Variants in NAA15 observed in about 807,000 individuals in gnomAD.
The protein encoded by NAA15 is N-terminal acetyltransferase.
NAA15 carries 34 observed loss-of-function variants against 114.0 expected under a neutral mutation model. That is an observed-to-expected ratio of 0.30 (90% confidence interval 0.23 to 0.40). The LOEUF is 0.40. NAA15 is among the 10% of genes least tolerant of loss of function. The pLI is 1.00. For missense variants in NAA15, 658 were observed against 1,004.5 expected, an observed-to-expected ratio of 0.66 and a Z score of 4.66; for synonymous variants, 340 against 338.0, an observed-to-expected ratio of 1.01 and a Z score of -0.06.
chr4:139,371,533 A>ACG (rs1250585195), intron 15 of NAA15, among the ~76,000 whole-genome samples: 1 of 149,054 alleles, frequency 6.7e-6, no homozygotes, highest in Non-Finnish European at 1.5e-5. Flanking sequence ...ACACACACAC[A>ACG]CACACACACG....
At chr4:139,340,444 A>G (rs948039645) in intron 3 of NAA15, among the ~76,000 whole-genome samples, 1 of 152,354 alleles carries the variant, frequency 6.6e-6, no homozygotes, top group South Asian at 2.1e-4. Context: ...TGTTAGTTCA[A>G]GAAAATAAAA....
At chr4:139,366,603 G>GT (rs56010406) in intron 14 of NAA15, among the ~76,000 whole-genome samples, 20,357 of 143,996 alleles carry the variant, frequency 0.14, 1,619 homozygotes, top group Non-Finnish European at 0.19. Context: ...TCATTTTTGG[G>GT]TTTTTTTTTT....
chr4:139,360,001 C>A, intron 12 of NAA15, 106 bp downstream of exon 12: 1 of 1,002,432 alleles, frequency 1.0e-6, no homozygotes, highest in Non-Finnish European at 1.4e-6. Context: ...TTTTTGACAC[C>A]GTAATAGCCA....
chr4:139,384,312 A>G (rs1748831641), intron 17 of NAA15, among the ~76,000 whole-genome samples: 1 of 152,136 alleles, frequency 6.6e-6, no homozygotes, highest in Non-Finnish European at 1.5e-5. Flanking sequence ...CCCTGTCTCT[A>G]CAAAAAAATA....
chr4:139,357,383 A>G lies in NAA15; in HGVS notation c.1088-3A>G. On this transcript the variant is annotated splice_polypyrimidine_tract_variant and splice_region_variant and intron_variant, in intron 10 of 19. Transcript: ENST00000296543. The stretch of plus-strand genomic sequence containing the variant: ...CTTGGTTTCTTCTCCCTCTTCTCCT[A>G]AGATGATGGAAAGGAGGAACCACCA... 1 of 1,613,470 alleles carries G rather than the reference A, an allele frequency of 6.2e-7. No homozygotes were observed. Among genetic ancestry groups the G allele is most frequent in the Non-Finnish European group, 8.5e-7 (1 of 1,179,662 alleles).
At chr4:139,362,387 C>CCG (rs1320048664) in intron 14 of NAA15, among the ~76,000 whole-genome samples, 1 of 152,148 alleles carries the variant, frequency 6.6e-6, no homozygotes, top group African/African-American at 2.4e-5. Context: ...GATTCTCCTG[C>CCG]CGCAGCCTTC....
chr4:139,360,325 T>G (rs1748092375), intron 12 of NAA15, among the ~76,000 whole-genome samples, 175 bp from the exon 13 acceptor site: 1 of 152,136 alleles, frequency 6.6e-6, no homozygotes, highest in Non-Finnish European at 1.5e-5. Context: ...CTACAAATTA[T>G]TTTTAGTAGT....
At chr4:139,331,149 C>T (rs1746986999) in intron 1 of NAA15, among the ~76,000 whole-genome samples, 1 of 151,974 alleles carries the variant, frequency 6.6e-6, no homozygotes, top group African/African-American at 2.4e-5. Flanking sequence ...ATGTTGATGT[C>T]TAAAAGTCAG....
intron 1 of NAA15, among the ~76,000 whole-genome samples, chr4:139,324,350 G>A (rs1363142276): frequency 3.3e-5 from 5 of 152,126 alleles, no homozygotes; most frequent in African/African-American, 1.2e-4. Flanking sequence ...ACAGGTAGGA[G>A]GACAAATAGA....
intron 3 of NAA15, among the ~76,000 whole-genome samples, chr4:139,340,684 A>G (rs536777231): frequency 5.9e-5 from 9 of 152,204 alleles, no homozygotes; most frequent in Non-Finnish European, 1.3e-4. Flanking sequence ...GTCCAAGGTT[A>G]CAGAGCTGAT....
chr4:139,356,518 A>G (rs570174225), intron 10 of NAA15: 1 of 152,316 alleles, frequency 6.6e-6, no homozygotes, highest in Non-Finnish European at 1.5e-5. Flanking sequence ...CAAATGTGGA[A>G]GAGGTTCAAT....
chr4:139,342,901 T>G lies in NAA15; in HGVS notation c.478T>G (p.Leu160Val). The G allele has an allele frequency of 1.9e-6, 3 of 1,613,538 alleles. No homozygotes were observed. Among genetic ancestry groups the G allele is most frequent in the Non-Finnish European group, 2.5e-6 (3 of 1,179,484 alleles). ...GATTGGTTATGCTATTGCTTACCAT[T>G]TATTAGAAGATTATGAAATGGCAGC... is the stretch of plus-strand genomic sequence containing the variant. ...SWIGYAIAYH[L>V]LEDYEMAAKI... Residue 160 changes from leucine (L) to valine (V), a missense_variant, in exon 5 of 20, where the codon TTA becomes GTA. Around this residue, in one of 6 missense-constraint regions of NAA15, gnomAD observed 75 missense variants for 172.3 expected, o/e 0.44. Transcript: ENST00000296543.
Position 139,370,706 on chromosome 4 carries a change from TG to T in NAA15, c.1947+304del. Reference sequence around the variant, plus strand: ...CTCTTATATTTTCACTGTGTGCCCTTGGACACTTTGTCTAACCTCTCTGATG... The same window carrying T: ...CTCTTATATTTTCACTGTGTGCCCTTGACACTTTGTCTAACCTCTCTGATG... On this transcript the variant is annotated intron_variant, in intron 15 of 19. Transcript: ENST00000296543. Among the ~76,000 whole-genome samples, 3 of 152,322 alleles carry T rather than the reference TG, an allele frequency of 2.0e-5. 1 individual carries two copies. The highest frequency in any genetic ancestry group is 3.4e-3 in the Middle Eastern group (1 of 294).
intron 1 of NAA15, 192 bp downstream of exon 1, chr4:139,302,023 A>G: frequency 2.0e-6 from 1 of 511,980 alleles, no homozygotes; most frequent in Non-Finnish European, 3.3e-6. Flanking sequence ...CAGGGACCAC[A>G]GGCTTCTTCA....
intron 12 of NAA15, 142 bp from the exon 13 acceptor site, chr4:139,360,358 C>T (rs1174671949): frequency 3.4e-6 from 2 of 590,790 alleles, no homozygotes; most frequent in African/African-American, 1.9e-5. Flanking sequence ...GTTGTTTTCC[C>T]ATGTTAACTA....
chr4:139,324,099 G>T (rs1047510018), intron 1 of NAA15, among the ~76,000 whole-genome samples: 1 of 152,170 alleles, frequency 6.6e-6, no homozygotes, highest in South Asian at 2.1e-4. Context: ...TCCCAGGGTT[G>T]TCTGGAACTC....
chr4:139,389,017 C>T lies in NAA15; in HGVS notation c.*933C>T, dbSNP rs1430444845. On this transcript the variant is annotated 3_prime_UTR_variant, in exon 20 of 20. Coordinates refer to ENST00000296543, the MANE Select transcript of NAA15 (RefSeq NM_057175.5). Reference sequence around the variant, plus strand: ...GATCAAAAGACTAATAGTTAAAAACCTCAGCAGGCCTTGTTCACGATATGC... The same window carrying T: ...GATCAAAAGACTAATAGTTAAAAACTTCAGCAGGCCTTGTTCACGATATGC... 6.6e-6 allele frequency: 1 copy of T among 152,448 alleles called. No homozygotes were observed. Among genetic ancestry groups the T allele is most frequent in the African/African-American group, 2.4e-5 (1 of 41,374 alleles). The allele number at this position is 152,448 out of a possible 1,614,324, so 9.4% of individuals were successfully genotyped here.
intron 1 of NAA15, among the ~76,000 whole-genome samples, chr4:139,328,569 TTTTC>T (rs2110882407): frequency 7.8e-6 from 1 of 127,988 alleles, no homozygotes; most frequent in Non-Finnish European, 1.7e-5. Flanking sequence ...TTTTTCTTTC[TTTTC>T]TTTTTTTTTT....
intron 1 of NAA15, among the ~76,000 whole-genome samples, chr4:139,304,016 G>C (rs569823057): frequency 6.6e-6 from 1 of 152,080 alleles, no homozygotes; most frequent in African/African-American, 2.4e-5. Context: ...CTCCTGGGTT[G>C]ACGCCATTCT....
Sources: gnomAD v4.1 joint callset for allele counts (sites outside exome capture counted in the v4.1 genomes callset) on GRCh38, gnomAD v4.1.1 for gene constraint, gnomAD v4.1.1 regional missense constraint, MANE v1.5 for transcripts, NCBI Gene and HGNC (gene_info 2026-07-23, HGNC 2026-07-21) for gene names.